The following STKLD1 variants were observed in gnomAD, a reference collection of about 807,000 sequenced individuals.
STKLD1 encodes serine/threonine kinase like domain containing 1, also known as serine/threonine kinase-like domain-containing protein STKLD1.
In STKLD1, 79 loss-of-function variants were observed where a neutral mutation model predicts 80.4. That is an observed-to-expected ratio of 0.98 (90% CI 0.82 to 1.19). The LOEUF (loss-of-function observed/expected upper bound fraction) is 1.19, where lower values mean the gene tolerates loss of function less well. STKLD1 is among the 50% of genes most tolerant of loss of function. The pLI, the probability that STKLD1 is intolerant of heterozygous loss-of-function variation, is 0.00. For missense variants in STKLD1, 841 were observed against 856.0 expected, an observed-to-expected ratio of 0.98 and a Z score of 0.22; for synonymous variants, 393 against 357.6, an observed-to-expected ratio of 1.10 and a Z score of -1.12.
Position 133,401,955 on chromosome 9 carries a change from G to A in STKLD1, c.1339+77G>A, listed in dbSNP as rs1180818951. On this transcript the variant is annotated intron_variant, in intron 13 of 17. Transcript: ENST00000371957. ...CCAGGGGTCTTGGAAGGGTTGGTTT[G>A]GGGTATAGGTGGGTTGGACAGGACA... 1.2e-5 allele frequency: 19 copies of A among 1,571,042 alleles called. No homozygotes were observed. In the Admixed American group the frequency reaches 3.1e-4, roughly 26 times the overall value.
intron 7 of STKLD1, among the ~76,000 whole-genome samples, chr9:133,392,579 ATGAG>A (rs1554602008): frequency 2.1e-5 from 2 of 95,520 alleles, no homozygotes; most frequent in East Asian, 3.8e-4. Flanking sequence ...GGATGGATGG[ATGAG>A]TGGATGGATG....
chr9:133,380,640 G>A (rs1316673470), intron 2 of STKLD1, among the ~76,000 whole-genome samples: 1 of 151,982 alleles, frequency 6.6e-6, no homozygotes, highest in Non-Finnish European at 1.5e-5. Flanking sequence ...GTGACACAGC[G>A]AGACTCTGTC....
At chr9:133,393,042 GCATGGGTTGTA>G (rs1838447427) in intron 7 of STKLD1, among the ~76,000 whole-genome samples, 1 of 130,588 alleles carries the variant, frequency 7.7e-6, no homozygotes, top group African/African-American at 2.9e-5. Flanking sequence ...ATGGGTGAGT[GCATGGGTTGTA>G]GATGGATGGG....
At position 133,390,374 on chromosome 9, in the gene STKLD1, G is replaced by C. The variant is rs1474620512; in HGVS notation, c.468-307G>C. 6.6e-6 allele frequency among the ~76,000 whole-genome samples: 1 copy of C among 152,194 alleles called. No homozygotes were observed. Among genetic ancestry groups the C allele is most frequent in the Non-Finnish European group, 1.5e-5 (1 of 68,032 alleles). On this transcript the variant is annotated intron_variant, in intron 6 of 17. Transcript: ENST00000371957. The surrounding 1 kb of genome is among the most constrained non-coding windows in gnomAD (Gnocchi z 5.1). ...AACGTGTAGCTGAGATATCTAAGGA[G>C]GTGAATGTGTCAATTAAGGGGCCTC...
chr9:133,405,498 C>A lies in STKLD1; in HGVS notation c.*77C>A. The A allele has an allele frequency of 1.4e-6, 2 of 1,436,094 alleles. No homozygotes were observed. Among genetic ancestry groups the A allele is most frequent in the Non-Finnish European group, 1.9e-6 (2 of 1,076,882 alleles). The allele number at this position is 1,436,094 out of a possible 1,614,324, so 89.0% of individuals were successfully genotyped here. On this transcript the variant is annotated 3_prime_UTR_variant, in exon 18 of 18. Transcript: ENST00000371957. ...CTCTCCTGCCTGCCTATTATCCCATCTCTATGACTGGGCCAAAATCAATCT... is the reference window on the plus strand; with the variant it reads ...CTCTCCTGCCTGCCTATTATCCCATATCTATGACTGGGCCAAAATCAATCT...
intron 3 of STKLD1, 56 bp downstream of exon 3, chr9:133,383,956 G>A: frequency 6.6e-7 from 1 of 1,519,830 alleles, no homozygotes. Context: ...TACACAGACT[G>A]TGTTCTGTAC....
At chr9:133,395,792 C>G in intron 9 of STKLD1, 29 bp downstream of exon 9, 2 of 1,607,050 alleles carry the variant, frequency 1.2e-6, no homozygotes, top group Non-Finnish European at 1.7e-6. Context: ...TTTATTTTAA[C>G]CTGTGGATTT....
In STKLD1 at chr9:133,394,212, G is replaced by A. The variant is rs891033985; in HGVS notation, c.584-79G>A. ...GGGGGGCCACCAAAGGGGATACAGT[G>A]CTGGGCAGGGTGACTCTGTCAAGCC... is the stretch of plus-strand genomic sequence containing the variant. On this transcript the variant is annotated intron_variant, in intron 7 of 17. Coordinates refer to ENST00000371957, the MANE Select transcript of STKLD1 (RefSeq NM_153710.5). This position sits in a 1 kb window ranked among gnomAD's most constrained non-coding sequence, Gnocchi z 4.9. The A allele has an allele frequency of 6.3e-6, 6 of 953,508 alleles. No individual in the cohort carries two copies. The African/African-American group carries it at 9.6e-5, about 15-fold the overall frequency. The allele number at this position is 953,508 out of a possible 1,614,324, so 59.1% of individuals were successfully genotyped here.
chr9:133,391,017 C>T (rs1164655834), intron 7 of STKLD1, among the ~76,000 whole-genome samples: 1 of 152,198 alleles, frequency 6.6e-6, no homozygotes, highest in African/African-American at 2.4e-5. Context: ...CACAGACACC[C>T]AACATTTGAG....
chr9:133,404,174 T>C (rs1564386364), intron 16 of STKLD1, 126 bp downstream of exon 16: 2 of 1,244,246 alleles, frequency 1.6e-6, no homozygotes, highest in African/African-American at 3.1e-5. Flanking sequence ...GAAAAGAAAT[T>C]AAAAACGATC....
Position 133,405,427 on chromosome 9 carries a change from T to C in STKLD1, c.*6T>C. The stretch of plus-strand genomic sequence containing the variant: ...CGTCTGGGGGACTGGAATAGATGTT[T>C]GTATGGAACTGACCTTGATCTCCAC... On this transcript the variant is annotated 3_prime_UTR_variant, in exon 18 of 18. Coordinates refer to ENST00000371957, the MANE Select transcript of STKLD1 (RefSeq NM_153710.5). 1 of 1,598,788 alleles carries C rather than the reference T, an allele frequency of 6.3e-7. No individual in the cohort carries two copies. The highest frequency in any genetic ancestry group is 1.1e-5 in the South Asian group (1 of 90,278).
intron 12 of STKLD1, among the ~76,000 whole-genome samples, chr9:133,401,052 TGA>T (rs1276304500): frequency 2.6e-5 from 4 of 152,092 alleles, no homozygotes; most frequent in African/African-American, 9.7e-5. Flanking sequence ...AGGTTGGAGC[TGA>T]GAGATTGAGC....
chr9:133,385,796 G>C lies in STKLD1; in HGVS notation c.294+105G>C, dbSNP rs1044612965. On this transcript the variant is annotated intron_variant, in intron 4 of 17. Transcript: ENST00000371957. This position sits in a 1 kb window ranked among gnomAD's most constrained non-coding sequence, Gnocchi z 4.9. The stretch of plus-strand genomic sequence containing the variant: ...CCACCCCCCACTGTCAGAATAGCTC[G>C]TGTGGCAATGGCAGTGACTGTAAAC... 2.9e-6 allele frequency: 3 copies of C among 1,048,830 alleles called. No individual in the cohort carries two copies. The highest frequency in any genetic ancestry group is 1.6e-5 in the African/African-American group (1 of 64,040). The allele number at this position is 1,048,830 out of a possible 1,614,324, so 65.0% of individuals were successfully genotyped here.
At chr9:133,392,137 C>T (rs933339301) in intron 7 of STKLD1, among the ~76,000 whole-genome samples, 1 of 148,320 alleles carries the variant, frequency 6.7e-6, no homozygotes, top group African/African-American at 2.5e-5. Context: ...AATGCAGTAG[C>T]GCAATCTCGG....
Position 133,390,026 on chromosome 9 carries a change from CTTAT to C in STKLD1, c.467+434_467+437del, listed in dbSNP as rs1257074587. On this transcript the variant is annotated intron_variant, in intron 6 of 17. Transcript: ENST00000371957. The surrounding 1 kb of genome is among the most constrained non-coding windows in gnomAD (Gnocchi z 5.1). Reference sequence around the variant, plus strand: ...TGGCTCCAATTCTGAACACCAATATCTTATTTAAAGAGGAAGAGGGAAACTATGC... The same window carrying C: ...TGGCTCCAATTCTGAACACCAATATCTTAAAGAGGAAGAGGGAAACTATGC... Among the ~76,000 whole-genome samples, 1 of 152,086 alleles carries C rather than the reference CTTAT, an allele frequency of 6.6e-6. No homozygotes were observed. Among genetic ancestry groups the C allele is most frequent in the Non-Finnish European group, 1.5e-5 (1 of 68,024 alleles).
In STKLD1 at chr9:133,394,048, A is replaced by G. The variant is rs1432382948; in HGVS notation, c.584-243A>G. The G allele has an allele frequency of 3.8e-6, 2 of 522,180 alleles. No individual in the cohort carries two copies. The highest frequency in any genetic ancestry group is 6.9e-6 in the Non-Finnish European group (2 of 289,084). 32.3% of individuals were successfully genotyped at this position (522,180 alleles called of 1,614,324 possible). Reference sequence around the variant, plus strand: ...ACCTATATGGGCCAGCCTGGTGGGCACCCACCAAGATGGACAGCTTCAGTG... The same window carrying G: ...ACCTATATGGGCCAGCCTGGTGGGCGCCCACCAAGATGGACAGCTTCAGTG... On this transcript the variant is annotated intron_variant, in intron 7 of 17. Transcript: ENST00000371957. This position sits in a 1 kb window ranked among gnomAD's most constrained non-coding sequence, Gnocchi z 4.9.
In STKLD1 at chr9:133,394,129, A is replaced by G; in HGVS notation, c.584-162A>G. On this transcript the variant is annotated intron_variant, in intron 7 of 17. Transcript: ENST00000371957. The surrounding 1 kb of genome is among the most constrained non-coding windows in gnomAD (Gnocchi z 4.9). ...TGGGGCCTCTTCCTCCCCACAGTTA[A>G]TATTCTCCACCTCTTCTGAGAAGAG... 3.1e-6 allele frequency: 2 copies of G among 654,384 alleles called. No homozygotes were observed. Among genetic ancestry groups the G allele is most frequent in the South Asian group, 1.8e-5 (1 of 55,130 alleles). The allele number at this position is 654,384 out of a possible 1,614,324, so 40.5% of individuals were successfully genotyped here. A position where few individuals can be genotyped will look rare whatever the true frequency, so the allele number is the denominator to read the frequency against.
rs782652495 is a variant in STKLD1 at position 133,400,467 on chromosome 9, A to G, written c.1136A>G (p.His379Arg). The G allele has an allele frequency of 1.9e-5, 31 of 1,613,388 alleles. No individual in the cohort carries two copies. The South Asian group carries it at 2.5e-4, about 13-fold the overall frequency. Reference protein sequence around the residue: ...VEVVVTTMELHDRVLDVQLCA... With the variant: ...VEVVVTTMELRDRVLDVQLCA... ...GTGGTGGTCACGACCATGGAGCTAC[A>G]TGACAGGGTCCTCGATGTCCAGCTG... Residue 379 changes from histidine to arginine, a missense_variant, in exon 12 of 18, where the codon CAT becomes CGT. Physicochemically the swap from His to Arg is conservative, Grantham distance 29. Transcript: ENST00000371957.
At chr9:133,378,244 CT>C (rs1198627520) in intron 1 of STKLD1, among the ~76,000 whole-genome samples, 6 of 152,222 alleles carry the variant, frequency 3.9e-5, no homozygotes, top group Non-Finnish European at 5.9e-5. Flanking sequence ...ACTCCTAAGA[CT>C]TTTATGGGCT....
Sources: allele counts gnomAD v4.1 joint callset (sites outside exome capture counted in the v4.1 genomes callset), GRCh38; gene constraint gnomAD v4.1.1; non-coding constraint Gnocchi (gnomAD v3.1); transcripts MANE v1.5; gene names NCBI Gene and HGNC (gene_info 2026-07-23, HGNC 2026-07-21).